CORO7: variants seen among roughly 807,000 people sequenced by gnomAD.
CORO7 encodes coronin 7.
In CORO7, 107 loss-of-function variants were observed where a neutral mutation model predicts 126.6. That is an observed-to-expected ratio of 0.85 (90% CI 0.72 to 0.99). The LOEUF is 0.99. Among genes scored for constraint, CORO7 ranks in the 50% least tolerant of loss-of-function variants. The probability of loss-of-function intolerance (pLI) is 0.00; values close to 1 mark genes in which losing one functional copy is unlikely to be tolerated. For missense variants in CORO7, 1,314 were observed against 1,255.8 expected (o/e 1.05, Z -0.70); for synonymous variants, 603 against 536.8 (o/e 1.12, Z -1.70).
intron 26 of CORO7, 175 bp from the exon 27 acceptor site, chr16:4,355,547 C>A: frequency 1.5e-6 from 1 of 656,356 alleles, no homozygotes; most frequent in Non-Finnish European, 2.6e-6. Context: ...CGGCTCACTG[C>A]AAGCTCTGCC....
At chr16:4,379,696 G>A (rs2054880040) in intron 9 of CORO7, among the ~76,000 whole-genome samples, 1 of 151,918 alleles carries the variant, frequency 6.6e-6, no homozygotes, top group Non-Finnish European at 1.5e-5. Flanking sequence ...CACTGCCAAG[G>A]GGATGGCTGC....
chr16:4,391,143 G>C lies in CORO7; in HGVS notation c.616-2512C>G, dbSNP rs74376948. Among the ~76,000 whole-genome samples, 1,262 of 152,278 alleles carry C rather than the reference G, an allele frequency of 8.3e-3. 14 individuals are homozygous for C. The highest frequency in any genetic ancestry group is 0.031 in the Middle Eastern group (9 of 294). On this transcript the variant is annotated intron_variant, in intron 7 of 27. Transcript: ENST00000251166. Reference sequence around the variant, plus strand: ...CACCAGTATCAAAAATGAGAGGTGGGCTGGGCGCAATGGTACCTGCCGTAA... The same window carrying C: ...CACCAGTATCAAAAATGAGAGGTGGCCTGGGCGCAATGGTACCTGCCGTAA...
rs1354399711 is a variant in CORO7, at chr16:4,362,073, G to A, written c.1490C>T (p.Thr497Ile). 2.5e-6 allele frequency: 4 copies of A among 1,613,046 alleles called. No individual in the cohort carries two copies. The highest frequency in any genetic ancestry group is 3.4e-6 in the Non-Finnish European group (4 of 1,179,942). ...ITNLKGLNLT[T>I]PGESDGFCAN... ...ACAGAAGCCGTCACTCTCACCAGGT[G>A]TGGTGAGGTTGAGCCCCTTGAGGTT... Residue 497 changes from threonine to isoleucine, a missense_variant, in exon 16 of 28, where the codon ACA becomes ATA. Thr to Ile is a moderately conservative substitution (Grantham distance 89). Transcript: ENST00000251166. This position sits in a 1 kb window ranked among gnomAD's most constrained non-coding sequence, Gnocchi z 5.3.
At chr16:4,412,778 A>T (rs1454162002) in intron 2 of CORO7, 1 of 332,312 alleles carries the variant, frequency 3.0e-6, no homozygotes, top group African/African-American at 2.1e-5. Context: ...CCAAGGTGGC[A>T]GAGCTGAGAG....
At position 4,407,657 on chromosome 16, in the gene CORO7, CAGGCCCTGGCA is replaced by C. The variant is rs1567303034; in HGVS notation, c.320_330del (p.Leu107ArgfsTer29). 1 of 1,598,164 alleles carries C rather than the reference CAGGCCCTGGCA, an allele frequency of 6.3e-7. No individual in the cohort carries two copies. ...CCGGGTGCTGAGGGCAGGGCCTGGC[CAGGCCCTGGCA>C]GTCGCCAGAGTTTTACCTGCAAGAA... On this transcript the variant is annotated frameshift_variant, in exon 5 of 28. Coordinates refer to ENST00000251166, the MANE Select transcript of CORO7 (RefSeq NM_024535.5). LOFTEE classifies it high-confidence loss of function.
intron 6 of CORO7, among the ~76,000 whole-genome samples, chr16:4,401,286 C>T (rs752123259): frequency 2.5e-4 from 38 of 152,150 alleles, no homozygotes; most frequent in Non-Finnish European, 4.9e-4. Flanking sequence ...GGAGAGGCCA[C>T]GTGAGGAGGC....
intron 5 of CORO7, among the ~76,000 whole-genome samples, chr16:4,406,524 T>C (rs890245824): frequency 1.3e-5 from 2 of 152,114 alleles, no homozygotes; most frequent in African/African-American, 4.8e-5. Context: ...ATTCTCAAAA[T>C]ATTGGGCTCA....
chr16:4,380,745 T>C, intron 9 of CORO7: 4 of 1,139,678 alleles, frequency 3.5e-6, no homozygotes, highest in Non-Finnish European at 4.8e-6. Context: ...ACCTGACTCA[T>C]AACCATTGGG....
At chr16:4,393,970 G>A (rs567053188) in intron 7 of CORO7, among the ~76,000 whole-genome samples, 6 of 152,026 alleles carry the variant, frequency 3.9e-5, no homozygotes, top group East Asian at 1.9e-4. Context: ...GCATGGTGGC[G>A]GGCACCTGTA....
intron 6 of CORO7, among the ~76,000 whole-genome samples, chr16:4,400,057 C>T (rs1446513024): frequency 1.3e-5 from 2 of 151,998 alleles, no homozygotes; most frequent in Non-Finnish European, 2.9e-5. Context: ...GGGAGGAGGG[C>T]GGAAGGGATG....
At chr16:4,367,701 A>G (rs1567257168) in intron 9 of CORO7, among the ~76,000 whole-genome samples, 1 of 152,172 alleles carries the variant, frequency 6.6e-6, no homozygotes, top group African/African-American at 2.4e-5. Context: ...CAACCTGTGC[A>G]AAGGTCCTGT....
chr16:4,355,353 G>A lies in CORO7; in HGVS notation c.2705C>T (p.Ala902Val). Residue 902 changes from alanine (A) to valine (V), a missense_variant, in exon 27 of 28, where the codon GCA becomes GTA. Transcript: ENST00000251166. ...KKEELLNAMV[A>V]KLGNREDPLP... ...TGGGTCCTCCCGGTTCCCCAGTTTT[G>A]CCACCATGGCATTCAGCAGCTGGGA... 2 of 1,611,600 alleles carry A rather than the reference G, an allele frequency of 1.2e-6. No individual in the cohort carries two copies. Among genetic ancestry groups the A allele is most frequent in the Non-Finnish European group, 1.7e-6 (2 of 1,179,852 alleles).
At chr16:4,399,471 A>G (rs1357333458) in intron 6 of CORO7, among the ~76,000 whole-genome samples, 1 of 152,230 alleles carries the variant, frequency 6.6e-6, no homozygotes, top group Non-Finnish European at 1.5e-5. Flanking sequence ...AGAAAGTGGA[A>G]TGCCAATTCC....
rs771420651 is a variant in CORO7 at position 4,355,328 on chromosome 16, T to C, written c.2730A>G (p.Pro910=). 1.9e-6 allele frequency: 3 copies of C among 1,612,668 alleles called. No individual in the cohort carries two copies. Among genetic ancestry groups the C allele is most frequent in the South Asian group, 2.2e-5 (2 of 90,978 alleles). ...CGCCTTCAAAGGAGTCCTGGGGGAG[T>C]GGGTCCTCCCGGTTCCCCAGTTTTG... The part of the protein sequence containing the change: ...MVAKLGNRED[P]LPQDSFEGVD... The change falls in exon 27 of 28, where the codon CCA becomes CCG. Residue 910 remains proline (P), a synonymous_variant. Coordinates refer to ENST00000251166, the MANE Select transcript of CORO7 (RefSeq NM_024535.5).
Position 4,357,031 on chromosome 16 carries a change from C to T in CORO7, c.2685+137G>A. ...GTGGTAGGGCTCTGGAAGGTCTCCC[C>T]ACCAGGCTCTGGTGTGAAGGGGACG... On this transcript the variant is annotated intron_variant, in intron 26 of 27. Coordinates refer to ENST00000251166, the MANE Select transcript of CORO7 (RefSeq NM_024535.5). The T allele has an allele frequency of 3.4e-6, 4 of 1,191,744 alleles. No homozygotes were observed. The East Asian group carries it at 1.0e-4, about 30-fold the overall frequency. The allele number at this position is 1,191,744 out of a possible 1,614,324, so 73.8% of individuals were successfully genotyped here.
intron 6 of CORO7, 32 bp from the exon 7 acceptor site, chr16:4,395,371 G>T (rs750870756): frequency 1.9e-6 from 3 of 1,613,726 alleles, no homozygotes; most frequent in Non-Finnish European, 2.5e-6. Flanking sequence ...AACAACTTGC[G>T]ATTAGGGCTG....
rs754839370 is a variant in CORO7, at chr16:4,362,591, C to G, written c.1402+21G>C. 7 of 1,538,690 alleles carry G rather than the reference C, an allele frequency of 4.5e-6. No individual in the cohort carries two copies. Among genetic ancestry groups the G allele is most frequent in the Admixed American group, 2.1e-5 (1 of 48,424 alleles). On this transcript the variant is annotated intron_variant, in intron 15 of 27. Transcript: ENST00000251166. The surrounding 1 kb of genome is among the most constrained non-coding windows in gnomAD (Gnocchi z 5.3). ...ACAGGGCTCCTGCGGTAGGGGTGAGCTCCCCGTCCTGCCTCCTTACCCAGC... is the reference window on the plus strand; with the variant it reads ...ACAGGGCTCCTGCGGTAGGGGTGAGGTCCCCGTCCTGCCTCCTTACCCAGC...
At chr16:4,391,679 C>A (rs985792644) in intron 7 of CORO7, among the ~76,000 whole-genome samples, 2 of 152,252 alleles carry the variant, frequency 1.3e-5, no homozygotes, top group Non-Finnish European at 2.9e-5. Context: ...TACAGTGAGC[C>A]GTGTTGGCGC....
At chr16:4,381,839 C>T in intron 9 of CORO7, 1 of 1,601,686 alleles carries the variant, frequency 6.2e-7, no homozygotes, top group South Asian at 1.1e-5. Flanking sequence ...GTCACACTGG[C>T]CAGCCCTGAG....
Sources: allele counts gnomAD v4.1 joint callset (sites outside exome capture counted in the v4.1 genomes callset), GRCh38; gene constraint gnomAD v4.1.1; non-coding constraint Gnocchi (gnomAD v3.1); transcripts MANE v1.5; gene names NCBI Gene and HGNC (gene_info 2026-07-23, HGNC 2026-07-21).